NIPBL: variants seen among roughly 807,000 people sequenced by gnomAD.
The protein encoded by NIPBL is nipped-B-like protein.
NIPBL carries 19 observed loss-of-function variants against 321.8 expected under a neutral mutation model. The observed-to-expected ratio is 0.06, with a 90% confidence interval of 0.04 to 0.09. The LOEUF is 0.09. Among genes scored for constraint, NIPBL ranks in the 10% least tolerant of loss-of-function variants. NIPBL has a pLI of 1.00. For synonymous variants in NIPBL, 1,106 were observed against 1,114.1 expected (o/e 0.99, Z 0.14); for missense variants, 2,210 against 3,327.0 (o/e 0.66, Z 8.26).
intron 34 of NIPBL, among the ~76,000 whole-genome samples, chr5:37,040,449 C>T (rs984343918): frequency 4.6e-5 from 7 of 151,802 alleles, no homozygotes; most frequent in South Asian, 2.1e-4. Flanking sequence ...AATGGTTGAC[C>T]GGGTTTTGTA....
intron 1 of NIPBL, among the ~76,000 whole-genome samples, chr5:36,921,734 G>A (rs900038326): frequency 6.6e-6 from 1 of 152,106 alleles, no homozygotes; most frequent in Non-Finnish European, 1.5e-5. Context: ...AAATGAATGG[G>A]ACAAACACAG....
At chr5:36,915,126 T>C (rs1298714785) in intron 1 of NIPBL, among the ~76,000 whole-genome samples, 1 of 152,042 alleles carries the variant, frequency 6.6e-6, no homozygotes, top group African/African-American at 2.4e-5. Flanking sequence ...CTCAAAGGTA[T>C]AAATTCTAAT....
rs372453541 is a variant in NIPBL at position 36,985,660 on chromosome 5, G to C, written c.2480G>C (p.Arg827Thr). The change falls in exon 10 of 47, where the codon AGG becomes ACG. Residue 827 changes from arginine (R) to threonine (T), a missense_variant. Physicochemically the swap from Arg to Thr is moderately conservative, Grantham distance 71. Around this residue, in one of 14 missense-constraint regions of NIPBL, gnomAD observed 588 missense variants for 564.1 expected, o/e 1.04. Coordinates refer to ENST00000282516, the MANE Select transcript of NIPBL (RefSeq NM_133433.4). ...GATAATAAACAAAAATCAGATGACA[G>C]GGGTGAATCAGAGCGACATCGAGGG... ...DHDNKQKSDD[R>T]GESERHRGDQ... is the part of the protein sequence containing the mutation. 4.3e-6 allele frequency: 7 copies of C among 1,613,872 alleles called. No homozygotes were observed. Among genetic ancestry groups the C allele is most frequent in the Non-Finnish European group, 5.9e-6 (7 of 1,179,988 alleles).
chr5:37,029,225 C>A (rs1184407815), intron 32 of NIPBL, among the ~76,000 whole-genome samples: 2 of 152,124 alleles, frequency 1.3e-5, no homozygotes, highest in Non-Finnish European at 2.9e-5. Flanking sequence ...CCCTAAAATG[C>A]CTTTTTGCAG....
At chr5:36,929,376 TTAAG>T (rs757898638) in intron 1 of NIPBL, among the ~76,000 whole-genome samples, 13 of 152,112 alleles carry the variant, frequency 8.5e-5, no homozygotes, top group African/African-American at 9.7e-5. Context: ...GTGAAGTGTC[TTAAG>T]TAAGTTCTTT....
intron 1 of NIPBL, among the ~76,000 whole-genome samples, chr5:36,936,713 ACCTAACAAGT>A (rs1396353444): frequency 2.0e-5 from 3 of 152,072 alleles, no homozygotes; most frequent in Admixed American, 2.0e-4. Context: ...GTTTATCTTG[ACCTAACAAGT>A]AAGTCTGATT....
At chr5:36,904,435 C>A (rs896641955) in intron 1 of NIPBL, among the ~76,000 whole-genome samples, 4 of 152,228 alleles carry the variant, frequency 2.6e-5, no homozygotes, top group Admixed American at 6.5e-5. Flanking sequence ...TGCCATTGCA[C>A]TCCAGCCTGT....
intron 10 of NIPBL, 102 bp downstream of exon 10, chr5:36,986,403 C>T (rs1744809356): frequency 5.2e-6 from 4 of 772,526 alleles, no homozygotes; most frequent in South Asian, 3.6e-5. Flanking sequence ...AAAGCTACTA[C>T]ATGAAAATAT....
chr5:36,942,613 C>T (rs1475378524), intron 1 of NIPBL, among the ~76,000 whole-genome samples: 1 of 150,830 alleles, frequency 6.6e-6, no homozygotes, highest in African/African-American at 2.4e-5. Context: ...TGGTGGTGCA[C>T]ACCTGTAGCC....
chr5:37,010,037 T>C, intron 20 of NIPBL, 50 bp from the exon 21 acceptor site: 4 of 1,398,834 alleles, frequency 2.9e-6, no homozygotes, highest in Non-Finnish European at 4.1e-6. Context: ...AGATGACATT[T>C]AAATGAGATT....
At chr5:37,064,230 A>C (rs1755139475) in intron 46 of NIPBL, 1 of 1,387,114 alleles carries the variant, frequency 7.2e-7, no homozygotes, top group African/African-American at 1.5e-5. Context: ...AATTGTATTA[A>C]TGTGTGTTAT....
intron 43 of NIPBL, 68 bp downstream of exon 43, chr5:37,057,400 G>C: frequency 7.0e-7 from 1 of 1,438,032 alleles, no homozygotes; most frequent in Non-Finnish European, 9.7e-7. Flanking sequence ...TCACTGTTTT[G>C]TTTCTCATTA....
At chr5:36,993,355 A>G (rs1268119862) in intron 10 of NIPBL, among the ~76,000 whole-genome samples, 1 of 152,226 alleles carries the variant, frequency 6.6e-6, no homozygotes, top group Non-Finnish European at 1.5e-5. Context: ...CTTAATTGAT[A>G]GTATTCTTGT....
chr5:36,888,014 A>C (rs1224575757), intron 1 of NIPBL, among the ~76,000 whole-genome samples: 1 of 152,166 alleles, frequency 6.6e-6, no homozygotes, highest in Non-Finnish European at 1.5e-5. Context: ...TCAGTTATTC[A>C]CCCAGTTCTG....
chr5:36,986,923 C>T (rs751450554), intron 10 of NIPBL, among the ~76,000 whole-genome samples: 47 of 152,060 alleles, frequency 3.1e-4, no homozygotes, highest in Non-Finnish European at 2.2e-4. Context: ...TTTCTGAATT[C>T]TCTGGTTACT....
At chr5:37,050,535 T>C (rs969083225) in intron 40 of NIPBL, among the ~76,000 whole-genome samples, 1 of 151,962 alleles carries the variant, frequency 6.6e-6, no homozygotes, top group Non-Finnish European at 1.5e-5. Flanking sequence ...TACGATGAAT[T>C]CCTTTATTCT....
At chr5:37,006,952 G>A (rs1747510009) in intron 17 of NIPBL, among the ~76,000 whole-genome samples, 1 of 151,912 alleles carries the variant, frequency 6.6e-6, no homozygotes, top group South Asian at 2.1e-4. Flanking sequence ...GTATACATTT[G>A]AAGGGAGTAA....
chr5:36,973,667 C>T (rs1224619674), intron 8 of NIPBL, among the ~76,000 whole-genome samples: 1 of 152,054 alleles, frequency 6.6e-6, no homozygotes, highest in Non-Finnish European at 1.5e-5. Context: ...GACAGGGTTT[C>T]ACCATGTTGG....
At chr5:37,007,548 A>T in intron 18 of NIPBL, 74 bp downstream of exon 18, 1 of 1,026,822 alleles carries the variant, frequency 9.7e-7, no homozygotes, top group African/African-American at 1.6e-5. Flanking sequence ...AGCTCACTCA[A>T]TAATAAGACC....
Sources: allele counts gnomAD v4.1 joint callset (sites outside exome capture counted in the v4.1 genomes callset), GRCh38; gene constraint gnomAD v4.1.1; regional missense constraint gnomAD v4.1.1; transcripts MANE v1.5; gene names NCBI Gene and HGNC (gene_info 2026-07-23, HGNC 2026-07-21).